CSMD3: variants seen among roughly 807,000 people sequenced by gnomAD.
CSMD3 encodes CUB and Sushi multiple domains 3, also known as CUB and sushi domain-containing protein 3.
Under a neutral mutation model 435.2 loss-of-function variants are expected in CSMD3, and 177 were observed. That is an observed-to-expected ratio of 0.41 (90% CI 0.36 to 0.46). The LOEUF (loss-of-function observed/expected upper bound fraction) is 0.46, where lower values mean the gene tolerates loss of function less well. Ranked by LOEUF, CSMD3 falls within the 20% of genes least tolerant of loss-of-function variation. CSMD3 has a pLI of 0.34. For missense variants in CSMD3, 4,265 were observed against 4,504.6 expected (o/e 0.95, Z 1.52); for synonymous variants, 1,656 against 1,520.5 (o/e 1.09, Z -2.07).
intron 1 of CSMD3, among the ~76,000 whole-genome samples, chr8:113,327,153 T>C (rs1330697504): frequency 6.6e-6 from 1 of 152,202 alleles, no homozygotes; most frequent in Non-Finnish European, 1.5e-5. Flanking sequence ...TCTGTGATTT[T>C]CTTTATTTTT....
At chr8:112,801,736 GA>G (rs1264649364) in intron 12 of CSMD3, among the ~76,000 whole-genome samples, 2 of 151,916 alleles carry the variant, frequency 1.3e-5, no homozygotes, top group Non-Finnish European at 2.9e-5. Context: ...AGGTTTATGG[GA>G]AAGGGTAAAC....
intron 9 of CSMD3, among the ~76,000 whole-genome samples, chr8:112,928,556 C>A (rs546907887): frequency 6.6e-6 from 1 of 151,576 alleles, no homozygotes; most frequent in Admixed American, 6.6e-5. Context: ...TTTGTTCTTG[C>A]GATAGTTTAC....
chr8:112,464,099 G>A (rs557249953), intron 32 of CSMD3, among the ~76,000 whole-genome samples: 23 of 151,998 alleles, frequency 1.5e-4, no homozygotes, highest in Non-Finnish European at 1.3e-4. Context: ...TTAGGTGGGC[G>A]TGGTGGCAGG....
intron 38 of CSMD3, among the ~76,000 whole-genome samples, chr8:112,373,157 T>G (rs1378249536): frequency 2.0e-5 from 3 of 151,716 alleles, no homozygotes; most frequent in African/African-American, 7.3e-5. Flanking sequence ...AAATACTCCT[T>G]TAGGAATATA....
chr8:113,015,796 T>C (rs2086433786), intron 6 of CSMD3, among the ~76,000 whole-genome samples: 1 of 151,800 alleles, frequency 6.6e-6, no homozygotes, highest in Non-Finnish European at 1.5e-5. Context: ...AATAAGTAAA[T>C]ATGACAATGT....
rs376465572 is a variant in CSMD3 at position 113,179,807 on chromosome 8, C to T, written c.515-5891G>A. On this transcript the variant is annotated intron_variant, in intron 3 of 70. Coordinates refer to ENST00000297405, the MANE Select transcript of CSMD3 (RefSeq NM_198123.2). ...CTTGGATAAATGAAATAAAACTCTACCAAGAAATTTTTAAAAAAAAGTGTG... is the reference window on the plus strand; with the variant it reads ...CTTGGATAAATGAAATAAAACTCTATCAAGAAATTTTTAAAAAAAAGTGTG... Among the ~76,000 whole-genome samples the T allele has an allele frequency of 1.7e-4, 25 of 151,354 alleles. No homozygotes were observed. The East Asian group carries it at 2.7e-3, about 17-fold the overall frequency.
intron 6 of CSMD3, among the ~76,000 whole-genome samples, chr8:113,012,847 C>T (rs16884282): frequency 0.096 from 14,567 of 151,942 alleles, 1,055 homozygotes; most frequent in African/African-American, 0.2. Context: ...TTGGTCTTCT[C>T]TTTTCATGTC....
chr8:113,271,867 C>T (rs1247845848), intron 3 of CSMD3, among the ~76,000 whole-genome samples: 1 of 152,144 alleles, frequency 6.6e-6, no homozygotes, highest in Non-Finnish European at 1.5e-5. Flanking sequence ...GGTGCTATAC[C>T]CTGCAAAGCC....
chr8:112,272,646 T>C (rs563110298), intron 59 of CSMD3, among the ~76,000 whole-genome samples: 4 of 152,258 alleles, frequency 2.6e-5, no homozygotes, highest in African/African-American at 9.6e-5. Context: ...AGTTTCTTGA[T>C]CTAGACAATG....
intron 45 of CSMD3, among the ~76,000 whole-genome samples, chr8:112,334,970 ATAGAT>A (rs1316529207): frequency 6.6e-6 from 1 of 152,200 alleles, no homozygotes; most frequent in Non-Finnish European, 1.5e-5. Flanking sequence ...AGCAGGTTGA[ATAGAT>A]TAAACATTTT....
rs186447620 is a variant in CSMD3, at chr8:112,598,371, A to G, written c.3716-11136T>C. Among the ~76,000 whole-genome samples, 199 of 151,590 alleles carry G rather than the reference A, an allele frequency of 1.3e-3. 5 individuals are homozygous for G. In the East Asian group the frequency reaches 0.032, roughly 24 times the overall value. ...CCACTTCTCGAAGAAATAAAAGAGG[A>G]TACAAACAAATGGAAGAACATTCCA... On this transcript the variant is annotated intron_variant, in intron 22 of 70. Transcript: ENST00000297405.
At chr8:112,379,791 C>G (rs1160235030) in intron 38 of CSMD3, among the ~76,000 whole-genome samples, 1 of 152,286 alleles carries the variant, frequency 6.6e-6, no homozygotes, top group East Asian at 1.9e-4. Context: ...GTTACCAAAA[C>G]AGTGTAGTAC....
intron 43 of CSMD3, 60 bp from the exon 44 acceptor site, chr8:112,336,889 G>T: frequency 7.3e-7 from 1 of 1,365,776 alleles, no homozygotes; most frequent in South Asian, 1.2e-5. Flanking sequence ...TGACTGTGGA[G>T]AAAAAGGCAA....
intron 32 of CSMD3, among the ~76,000 whole-genome samples, chr8:112,448,450 C>T (rs1815875139): frequency 6.6e-6 from 1 of 152,068 alleles, no homozygotes; most frequent in African/African-American, 2.4e-5. Context: ...CACACGTACA[C>T]ACATACAACA....
At chr8:113,172,958 TA>T (rs1159924866) in intron 4 of CSMD3, among the ~76,000 whole-genome samples, 2 of 152,210 alleles carry the variant, frequency 1.3e-5, no homozygotes, top group African/African-American at 4.8e-5. Flanking sequence ...TCCACATTAT[TA>T]TATTATTGTG....
intron 1 of CSMD3, among the ~76,000 whole-genome samples, chr8:113,430,133 G>A (rs1034225707): frequency 3.3e-5 from 5 of 152,152 alleles, no homozygotes; most frequent in Non-Finnish European, 5.9e-5. Flanking sequence ...TTTCTCAGCT[G>A]TATAATGGCC....
rs187148079 is a variant in CSMD3, at chr8:112,696,231, G to A, written c.1973-6181C>T. On this transcript the variant is annotated intron_variant, in intron 13 of 70. Coordinates refer to ENST00000297405, the MANE Select transcript of CSMD3 (RefSeq NM_198123.2). ...CAGAATTTGAAAAAACTACTTTAAAGTTCATATGGAACCAAAAAAGGGTCT... is the reference window on the plus strand; with the variant it reads ...CAGAATTTGAAAAAACTACTTTAAAATTCATATGGAACCAAAAAAGGGTCT... Among the ~76,000 whole-genome samples, 757 of 152,174 alleles carry A rather than the reference G, an allele frequency of 5.0e-3. 3 individuals carry two copies. Among genetic ancestry groups the A allele is most frequent in the Admixed American group, 9.4e-3 (144 of 15,282 alleles).
At chr8:112,617,817 C>A (rs1035518274) in intron 22 of CSMD3, among the ~76,000 whole-genome samples, 1 of 152,014 alleles carries the variant, frequency 6.6e-6, no homozygotes, top group Non-Finnish European at 1.5e-5. Context: ...AGAAATTATC[C>A]AAGATACTTC....
chr8:112,976,659 GA>G (rs200004986), intron 6 of CSMD3, among the ~76,000 whole-genome samples: 3 of 151,226 alleles, frequency 2.0e-5, no homozygotes, highest in African/African-American at 2.4e-5. Context: ...AACAAATGAT[GA>G]AAAAAAAGGG....
Sources: gnomAD v4.1 joint callset for allele counts (sites outside exome capture counted in the v4.1 genomes callset) on GRCh38, gnomAD v4.1.1 for gene constraint, MANE v1.5 for transcripts, NCBI Gene and HGNC (gene_info 2026-07-23, HGNC 2026-07-21) for gene names.